Variants in BTBD9 observed in about 807,000 individuals in gnomAD.
BTBD9 encodes BTB domain containing 9.
A neutral mutation model predicts 64.3 loss-of-function variants in BTBD9; 49 were observed. The ratio of observed to expected loss-of-function variants is 0.76; its 90% CI spans 0.61 to 0.97. BTBD9 has a LOEUF of 0.97. BTBD9 is among the 50% of genes least tolerant of loss of function. The probability of loss-of-function intolerance (pLI) is 0.00; values close to 1 mark genes in which losing one functional copy is unlikely to be tolerated. For missense variants in BTBD9, 598 were observed against 762.1 expected (o/e 0.78, Z 2.53); for synonymous variants, 260 against 274.7 (o/e 0.95, Z 0.53).
At chr6:38,220,623 C>T (rs971799407) in intron 9 of BTBD9, among the ~76,000 whole-genome samples, 1 of 152,176 alleles carries the variant, frequency 6.6e-6, no homozygotes, top group Admixed American at 6.5e-5. Context: ...TTTAATGATG[C>T]CTATACTTAT....
intron 6 of BTBD9, among the ~76,000 whole-genome samples, chr6:38,530,947 A>G (rs568105912): frequency 6.6e-6 from 1 of 152,312 alleles, no homozygotes; most frequent in African/African-American, 2.4e-5. Context: ...AACAAACAAG[A>G]AAATAATTCA....
At chr6:38,588,966 T>C (rs1259334504) in intron 4 of BTBD9, among the ~76,000 whole-genome samples, 1 of 152,220 alleles carries the variant, frequency 6.6e-6, no homozygotes, top group African/African-American at 2.4e-5. Flanking sequence ...AACCTATCTT[T>C]TCAGGGTCTG....
intron 7 of BTBD9, among the ~76,000 whole-genome samples, chr6:38,295,072 C>G (rs1367699316): frequency 6.6e-6 from 1 of 151,660 alleles, no homozygotes; most frequent in African/African-American, 2.4e-5. Flanking sequence ...AATTGATTTT[C>G]AGGATGCCAA....
At chr6:38,232,695 C>T (rs1372263184) in intron 9 of BTBD9, among the ~76,000 whole-genome samples, 9 of 146,944 alleles carry the variant, frequency 6.1e-5, no homozygotes, top group African/African-American at 2.0e-4. Context: ...GATAAGGTCT[C>T]GCTATGTTAC....
chr6:38,587,317 T>A (rs1350534399), intron 4 of BTBD9: 3 of 418,112 alleles, frequency 7.2e-6, no homozygotes, highest in African/African-American at 6.3e-5. Context: ...CATCCTGGAG[T>A]CCACCATGAA....
chr6:38,532,738 C>T (rs905649306), intron 6 of BTBD9, among the ~76,000 whole-genome samples: 1 of 152,020 alleles, frequency 6.6e-6, no homozygotes, highest in South Asian at 2.1e-4. Context: ...GGATCCATCA[C>T]CTGCTGACTA....
chr6:38,179,666 T>A (rs757579159), intron 10 of BTBD9: 1 of 456,698 alleles, frequency 2.2e-6, no homozygotes, highest in Admixed American at 2.3e-5. Flanking sequence ...AAATGGCGAG[T>A]GGCAGGCTGG....
Position 38,395,741 on chromosome 6 carries a change from G to C in BTBD9, c.1155-50648C>G, listed in dbSNP as rs567636488. On this transcript the variant is annotated intron_variant, in intron 6 of 10. Transcript: ENST00000481247. ...TTTTGTCTTTTTGAGACAGAGTCTC[G>C]GTCTGTCGCCCAGGCTGGAGTGCAG... Among the ~76,000 whole-genome samples the C allele has an allele frequency of 5.3e-5, 8 of 150,972 alleles. No individual in the cohort carries two copies. In the East Asian group the frequency reaches 1.6e-3, roughly 29 times the overall value.
At chr6:38,342,511 G>C (rs1314546087) in intron 7 of BTBD9, among the ~76,000 whole-genome samples, 3 of 145,864 alleles carry the variant, frequency 2.1e-5, no homozygotes, top group African/African-American at 7.7e-5. Context: ...ACTCCAGCCT[G>C]GACAACAGAG....
chr6:38,186,463 G>A (rs1034490634), intron 10 of BTBD9, among the ~76,000 whole-genome samples: 3 of 152,126 alleles, frequency 2.0e-5, no homozygotes, highest in Non-Finnish European at 4.4e-5. Context: ...TATGACTATA[G>A]AAACTCTGTA....
intron 7 of BTBD9, among the ~76,000 whole-genome samples, chr6:38,294,786 G>C (rs1302830165): frequency 1.4e-5 from 2 of 147,482 alleles, no homozygotes; most frequent in Non-Finnish European, 3.0e-5. Flanking sequence ...ATGTATCCCA[G>C]AACTTAAAGT....
intron 6 of BTBD9, among the ~76,000 whole-genome samples, chr6:38,513,513 A>C (rs1276486201): frequency 6.6e-6 from 1 of 152,144 alleles, no homozygotes; most frequent in African/African-American, 2.4e-5. Context: ...CGACACTTCC[A>C]ACAACTCCAA....
chr6:38,398,170 C>CTGGG (rs1766767265), intron 6 of BTBD9, among the ~76,000 whole-genome samples: 1 of 152,142 alleles, frequency 6.6e-6, no homozygotes, highest in African/African-American at 2.4e-5. Flanking sequence ...CTACAAGGAG[C>CTGGG]CCCACCTACT....
intron 6 of BTBD9, among the ~76,000 whole-genome samples, chr6:38,511,091 G>C (rs1218377296): frequency 6.6e-6 from 1 of 152,084 alleles, no homozygotes; most frequent in Non-Finnish European, 1.5e-5. Flanking sequence ...GACATCACTA[G>C]GAGTTAGGGA....
intron 6 of BTBD9, among the ~76,000 whole-genome samples, chr6:38,473,044 T>A (rs1381350712): frequency 6.6e-6 from 1 of 152,176 alleles, no homozygotes; most frequent in Non-Finnish European, 1.5e-5. Flanking sequence ...ATAATGGAAG[T>A]GAGGATTGGC....
intron 6 of BTBD9, among the ~76,000 whole-genome samples, chr6:38,431,137 C>T (rs1406891429): frequency 6.6e-6 from 1 of 151,798 alleles, no homozygotes; most frequent in Non-Finnish European, 1.5e-5. Context: ...TCACCCAGTC[C>T]CATGGTTTTC....
At chr6:38,470,917 T>C (rs548135471) in intron 6 of BTBD9, among the ~76,000 whole-genome samples, 1 of 152,358 alleles carries the variant, frequency 6.6e-6, no homozygotes, top group East Asian at 1.9e-4. Context: ...TCACTGCTGC[T>C]TCTTTAACAT....
At chr6:38,639,744 C>T (rs1274887313) in intron 1 of BTBD9, 56 bp downstream of exon 1, 1 of 151,844 alleles carries the variant, frequency 6.6e-6, no homozygotes, top group Non-Finnish European at 1.5e-5. Context: ...GGCGCGCGTC[C>T]CCGCGCCGCA....
chr6:38,589,761 A>C (rs565397737), intron 4 of BTBD9, among the ~76,000 whole-genome samples: 1 of 152,310 alleles, frequency 6.6e-6, no homozygotes, highest in South Asian at 2.1e-4. Flanking sequence ...ATCACAATTT[A>C]TATCCAAAAG....
Sources: allele counts gnomAD v4.1 joint callset (sites outside exome capture counted in the v4.1 genomes callset), GRCh38; gene constraint gnomAD v4.1.1; transcripts MANE v1.5; gene names NCBI Gene and HGNC (gene_info 2026-07-23, HGNC 2026-07-21).